The following ACACB variants were observed in gnomAD, a reference collection of about 807,000 sequenced individuals.
ACACB encodes acetyl-CoA carboxylase beta, also known as acetyl-CoA carboxylase 2.
A neutral mutation model predicts 278.8 loss-of-function variants in ACACB; 209 were observed. That is an observed-to-expected ratio of 0.75 (90% CI 0.67 to 0.84). The LOEUF is 0.84. Ranked by LOEUF, ACACB falls within the 40% of genes least tolerant of loss-of-function variation. The probability of loss-of-function intolerance (pLI) is 0.00; values close to 1 mark genes in which losing one functional copy is unlikely to be tolerated. For synonymous variants in ACACB, 1,174 were observed against 1,285.6 expected, an observed-to-expected ratio of 0.91 and a Z score of 1.86; for missense variants, 2,850 against 3,269.0, an observed-to-expected ratio of 0.87 and a Z score of 3.13.
chr12:109,242,181 C>A, intron 36 of ACACB: 2 of 417,350 alleles, frequency 4.8e-6, no homozygotes, highest in Non-Finnish European at 8.6e-6. Context: ...CCATGCATGC[C>A]TGTTGTTGGG....
At chr12:109,118,943 G>A (rs1330987305) in intron 1 of ACACB, among the ~76,000 whole-genome samples, 5 of 152,156 alleles carry the variant, frequency 3.3e-5, no homozygotes, top group Admixed American at 6.5e-5. Context: ...AAGATAGACC[G>A]TGTTCATTTA....
rs774927818 is a variant in ACACB at position 109,193,657 on chromosome 12, C to T, written c.2409C>T (p.Val803=). The change falls in exon 16 of 53, where the codon GTC becomes GTT. Residue 803 remains valine, a synonymous_variant. Coordinates refer to ENST00000338432, the MANE Select transcript of ACACB (RefSeq NM_001093.4). ...CTGTCTTTTCTTTCAGGGGCCAGGT[C>T]CTCCCAGCGGATTCACTACTGAACC... ...DFLHSLERGQ[V]LPADSLLNLV... 6.2e-7 allele frequency: 1 copy of T among 1,613,566 alleles called. No homozygotes were observed. Among genetic ancestry groups the T allele is most frequent in the Admixed American group, 1.7e-5 (1 of 59,998 alleles).
At chr12:109,129,091 C>A (rs1036598797) in intron 1 of ACACB, among the ~76,000 whole-genome samples, 2 of 150,666 alleles carry the variant, frequency 1.3e-5, no homozygotes, top group East Asian at 2.0e-4. Flanking sequence ...CAAAGCAAGA[C>A]CCTGTCTCGA....
At chr12:109,192,978 G>T (rs921425469) in intron 15 of ACACB, among the ~76,000 whole-genome samples, 1 of 152,142 alleles carries the variant, frequency 6.6e-6, no homozygotes, top group Non-Finnish European at 1.5e-5. Context: ...AATGTTTTTA[G>T]TGTTTGGTTA....
At chr12:109,227,017 C>T (rs558804404) in intron 27 of ACACB, among the ~76,000 whole-genome samples, 1 of 151,894 alleles carries the variant, frequency 6.6e-6, no homozygotes, top group East Asian at 1.9e-4. Flanking sequence ...GTGGTGCTAT[C>T]ATAGCTCATT....
At chr12:109,176,995 G>A (rs1282532199) in intron 9 of ACACB, among the ~76,000 whole-genome samples, 2 of 152,156 alleles carry the variant, frequency 1.3e-5, no homozygotes, top group Non-Finnish European at 2.9e-5. Flanking sequence ...CCTTATGTCC[G>A]TTATCAGCAA....
At chr12:109,140,252 T>A (rs4766495) in intron 2 of ACACB, among the ~76,000 whole-genome samples, 194 bp downstream of exon 2, 42,273 of 122,396 alleles carry the variant, frequency 0.35, 8,270 homozygotes, top group East Asian at 0.64. Context: ...CCTTCCTTCC[T>A]TCCATCCTTC....
At chr12:109,260,202 T>A in intron 47 of ACACB, 1 of 1,410,422 alleles carries the variant, frequency 7.1e-7, no homozygotes, top group Non-Finnish European at 9.6e-7. Flanking sequence ...GGGACAGTCA[T>A]GGGTGAGGGC....
intron 7 of ACACB, 71 bp from the exon 8 acceptor site, chr12:109,175,860 C>T (rs763847258): frequency 1.0e-4 from 132 of 1,325,902 alleles, no homozygotes; most frequent in Non-Finnish European, 1.3e-4. Context: ...CAGGGAGAGG[C>T]GCTGTGGTTT....
chr12:109,204,271 C>CT (rs58720572), intron 19 of ACACB, among the ~76,000 whole-genome samples: 18,949 of 93,170 alleles, frequency 0.2, 2,071 homozygotes, highest in East Asian at 0.41. Flanking sequence ...AATACTATAT[C>CT]TTTTTTTTTT....
At chr12:109,163,346 A>G (rs780673489) in intron 2 of ACACB, among the ~76,000 whole-genome samples, 8 of 152,212 alleles carry the variant, frequency 5.3e-5, no homozygotes, top group Admixed American at 3.3e-4. Context: ...ATCATCGTTG[A>G]GGTCAGACAG....
chr12:109,176,097 G>A (rs1240337777), intron 8 of ACACB, 56 bp from the exon 9 acceptor site: 14 of 1,611,030 alleles, frequency 8.7e-6, no homozygotes, highest in Non-Finnish European at 8.5e-7. Context: ...CTCTGTCCTG[G>A]TAGCAGTTGG....
At chr12:109,248,453 G>T (rs1005360750) in intron 40 of ACACB, among the ~76,000 whole-genome samples, 1 of 152,262 alleles carries the variant, frequency 6.6e-6, no homozygotes, top group Non-Finnish European at 1.5e-5. Context: ...AGCCTCAAAA[G>T]TAGGGAAGCC....
At chr12:109,258,928 T>C (rs201550928) in intron 46 of ACACB, 45 bp from the exon 47 acceptor site, 41 of 1,608,346 alleles carry the variant, frequency 2.5e-5, no homozygotes. Flanking sequence ...TGTCCTGGGT[T>C]GTGGTTGTGC....
In ACACB at chr12:109,259,220, GTGTCTCCCAACAACCC is replaced by G. The variant is rs1033669805; in HGVS notation, c.6496+115_6496+130del. ...GTCTGTGCCCATCATCATCTTAGCT[GTGTCTCCCAACAACCC>G]TGAGGAGAAAATATTGTTCAGGTGC... On this transcript the variant is annotated intron_variant, in intron 47 of 52. Transcript: ENST00000338432. 3.2e-5 allele frequency: 42 copies of G among 1,324,924 alleles called. No homozygotes were observed. In the African/African-American group the frequency reaches 4.7e-4, roughly 15 times the overall value. The allele number at this position is 1,324,924 out of a possible 1,614,324, so 82.1% of individuals were successfully genotyped here.
Position 109,166,995 on chromosome 12 carries a change from TACAG to T in ACACB, c.786+4_786+7del. 1.2e-6 allele frequency: 2 copies of T among 1,613,580 alleles called. No homozygotes were observed. The highest frequency in any genetic ancestry group is 1.7e-6 in the Non-Finnish European group (2 of 1,179,920). ...GGGGGGGATCGGGTCATCGAGAAGG[TACAG>T]ATGGGTCTCGGCACTCTGGGTGGGG... On this transcript the variant is annotated splice_donor_5th_base_variant and intron_variant, in intron 3 of 52. Transcript: ENST00000338432.
At chr12:109,257,637 C>T (rs774150552) in intron 45 of ACACB, among the ~76,000 whole-genome samples, 53 of 152,272 alleles carry the variant, frequency 3.5e-4, no homozygotes, top group Non-Finnish European at 6.5e-4. Context: ...GAGGCATGAT[C>T]GCTGTTCACT....
Position 109,242,428 on chromosome 12 carries a change from C to G in ACACB, c.5023-9C>G. The stretch of plus-strand genomic sequence containing the variant: ...TCTCACTCTCTGTTTTCCCTCCTTT[C>G]TGGTCCAGATCATGTTTCACTCCTT... On this transcript the variant is annotated splice_polypyrimidine_tract_variant and intron_variant, in intron 36 of 52. Coordinates refer to ENST00000338432, the MANE Select transcript of ACACB (RefSeq NM_001093.4). The G allele has an allele frequency of 6.2e-7, 1 of 1,612,888 alleles. No homozygotes were observed. Among genetic ancestry groups the G allele is most frequent in the Non-Finnish European group, 8.5e-7 (1 of 1,179,156 alleles).
In ACACB at chr12:109,191,868, C is replaced by G; in HGVS notation, c.2317C>G (p.Leu773Val). The G allele has an allele frequency of 6.2e-7, 1 of 1,614,170 alleles. No homozygotes were observed. The highest frequency in any genetic ancestry group is 8.5e-7 in the Non-Finnish European group (1 of 1,180,028). Residue 773 changes from leucine (L) to valine (V), a missense_variant, in exon 15 of 53, where the codon CTT becomes GTT. Coordinates refer to ENST00000338432, the MANE Select transcript of ACACB (RefSeq NM_001093.4). ...KVQAEKPDIM[L>V]GVVCGALNVA... ...CTAGGCGGAGAAACCGGATATCATG[C>G]TTGGGGTGGTATGCGGGGCCTTGAA...
Sources: allele counts gnomAD v4.1 joint callset (sites outside exome capture counted in the v4.1 genomes callset), GRCh38; gene constraint gnomAD v4.1.1; transcripts MANE v1.5; gene names NCBI Gene and HGNC (gene_info 2026-07-23, HGNC 2026-07-21).